The following SPIDR variants were observed in gnomAD, a reference collection of about 807,000 sequenced individuals.
The protein encoded by SPIDR is DNA repair-scaffolding protein.
Under a neutral mutation model 104.6 loss-of-function variants are expected in SPIDR, and 93 were observed. The ratio of observed to expected loss-of-function variants is 0.89; its 90% confidence interval spans 0.75 to 1.06. The LOEUF is 1.06. Ranked by LOEUF, SPIDR falls within the 50% of genes least tolerant of loss-of-function variation. SPIDR has a pLI of 0.00. For missense variants in SPIDR, 1,154 were observed against 1,111.2 expected (o/e 1.04, Z -0.55); for synonymous variants, 431 against 416.9 (o/e 1.03, Z -0.41).
At chr8:47,510,483 T>C (rs1480795519) in intron 8 of SPIDR, among the ~76,000 whole-genome samples, 4 of 152,140 alleles carry the variant, frequency 2.6e-5, no homozygotes, top group Non-Finnish European at 4.4e-5. Flanking sequence ...TTTTTTGCAA[T>C]AGAACTCTTC....
intron 8 of SPIDR, among the ~76,000 whole-genome samples, chr8:47,456,693 C>G (rs1187664836): frequency 6.6e-6 from 1 of 152,036 alleles, no homozygotes; most frequent in African/African-American, 2.4e-5. Context: ...ATTTGTGAGA[C>G]TTTGGTGCAC....
intron 1 of SPIDR, among the ~76,000 whole-genome samples, chr8:47,261,919 A>G (rs2032487440): frequency 6.6e-6 from 1 of 152,188 alleles, no homozygotes; most frequent in African/African-American, 2.4e-5. Context: ...AAATATATAA[A>G]TTTGCTAAAT....
intron 10 of SPIDR, among the ~76,000 whole-genome samples, chr8:47,661,685 C>T (rs2154463672): frequency 6.6e-6 from 1 of 152,328 alleles, no homozygotes; most frequent in Middle Eastern, 3.4e-3. Context: ...GCGTCTGCTC[C>T]TCAACTTGGG....
At chr8:47,300,989 G>A (rs1563531237) in intron 5 of SPIDR, among the ~76,000 whole-genome samples, 1 of 152,050 alleles carries the variant, frequency 6.6e-6, no homozygotes, top group Non-Finnish European at 1.5e-5. Flanking sequence ...TGAGTTCAGT[G>A]CCTGGATATC....
At position 47,466,948 on chromosome 8, in the gene SPIDR, G is replaced by GATAT. The variant is rs1250773282; in HGVS notation, c.1097+26408_1097+26411dup. ...AGATAGATAGATAGATAGATAGATA[G>GATAT]ATATAAAAAATAGACTGCTAGCTAG... On this transcript the variant is annotated intron_variant, in intron 8 of 19. Coordinates refer to ENST00000297423, the MANE Select transcript of SPIDR (RefSeq NM_001080394.4). Among the ~76,000 whole-genome samples the GATAT allele has an allele frequency of 2.6e-3, 341 of 133,456 alleles. 7 individuals carry two copies. The highest frequency in any genetic ancestry group is 7.1e-3 in the East Asian group (33 of 4,648). 87.6% of individuals were successfully genotyped at this position (133,456 alleles called of 152,430 possible).
At position 47,513,151 on chromosome 8, in the gene SPIDR, C is replaced by G. The variant is rs183008321; in HGVS notation, c.1097+72609C>G. On this transcript the variant is annotated intron_variant, in intron 8 of 19. Transcript: ENST00000297423. The stretch of plus-strand genomic sequence containing the variant: ...AGCCAATCATTGAGAGAGGTAAACT[C>G]TATTTTAGCATCTGCTGCAGAATGT... 4.9e-3 allele frequency among the ~76,000 whole-genome samples: 750 copies of G among 152,346 alleles called. 4 individuals carry two copies. Among genetic ancestry groups the G allele is most frequent in the South Asian group, 0.023 (109 of 4,830 alleles).
At chr8:47,405,050 G>T (rs1241472290) in intron 6 of SPIDR, among the ~76,000 whole-genome samples, 1 of 152,128 alleles carries the variant, frequency 6.6e-6, no homozygotes, top group Non-Finnish European at 1.5e-5. Context: ...CATGTCCTTT[G>T]TTAGGGACAT....
At chr8:47,317,688 G>A in intron 5 of SPIDR, among the ~76,000 whole-genome samples, 1 of 152,264 alleles carries the variant, frequency 6.6e-6, no homozygotes, top group Admixed American at 6.5e-5. Flanking sequence ...TTAACTGGGA[G>A]GCACCCCCTA....
chr8:47,577,864 A>G (rs2059299682), intron 8 of SPIDR, among the ~76,000 whole-genome samples: 1 of 152,190 alleles, frequency 6.6e-6, no homozygotes, highest in Non-Finnish European at 1.5e-5. Context: ...GGACCCGGCA[A>G]CCTGTTTCAA....
At chr8:47,692,324 C>A (rs1424754333) in intron 11 of SPIDR, among the ~76,000 whole-genome samples, 4 of 151,998 alleles carry the variant, frequency 2.6e-5, no homozygotes, top group Admixed American at 2.6e-4. Flanking sequence ...GAGCTCCGCA[C>A]TTTCTCTCCC....
At chr8:47,278,321 AT>A (rs1293830434) in intron 1 of SPIDR, among the ~76,000 whole-genome samples, 2,412 of 137,700 alleles carry the variant, frequency 0.018, 57 homozygotes, top group African/African-American at 0.055. Context: ...ACACCCAGCT[AT>A]TTTTTTTTTT....
chr8:47,546,888 T>C (rs1012665812), intron 8 of SPIDR: 1 of 422,600 alleles, frequency 2.4e-6, no homozygotes, highest in South Asian at 1.9e-5. Context: ...GAAGAGAAAT[T>C]AATGGTTTGT....
rs561575938 is a variant in SPIDR, at chr8:47,586,732, A to G, written c.1098-9079A>G. On this transcript the variant is annotated intron_variant, in intron 8 of 19. Transcript: ENST00000297423. Reference sequence around the variant, plus strand: ...GGTCTTTCTTAGAGCAAAAGTTTTCAGTTTTGATAAGTTCTAGTTTATCAA... The same window carrying G: ...GGTCTTTCTTAGAGCAAAAGTTTTCGGTTTTGATAAGTTCTAGTTTATCAA... 5.9e-5 allele frequency among the ~76,000 whole-genome samples: 9 copies of G among 152,202 alleles called. No individual in the cohort carries two copies. The South Asian group carries it at 1.4e-3, about 25-fold the overall frequency.
At chr8:47,284,177 A>G in intron 3 of SPIDR, 83 bp downstream of exon 3, 2 of 1,150,428 alleles carry the variant, frequency 1.7e-6, no homozygotes, top group East Asian at 4.7e-5. Context: ...TTGCTGTTTT[A>G]AAAAAGTGAC....
chr8:47,475,114 T>C (rs997680105), intron 8 of SPIDR, among the ~76,000 whole-genome samples: 1 of 152,212 alleles, frequency 6.6e-6, no homozygotes, highest in Non-Finnish European at 1.5e-5. Context: ...GAGAGTGTGT[T>C]GGGAAAGGAA....
intron 10 of SPIDR, among the ~76,000 whole-genome samples, chr8:47,612,556 A>C (rs910249826): frequency 6.6e-6 from 1 of 152,230 alleles, no homozygotes; most frequent in Non-Finnish European, 1.5e-5. Context: ...TAAAAGCACT[A>C]TCTGGTAATT....
chr8:47,622,135 G>C (rs758493797), intron 10 of SPIDR, among the ~76,000 whole-genome samples: 4 of 152,148 alleles, frequency 2.6e-5, no homozygotes, highest in African/African-American at 9.7e-5. Context: ...GCTCAGCCCT[G>C]TCAGCCCTGC....
intron 10 of SPIDR, among the ~76,000 whole-genome samples, chr8:47,627,086 T>C (rs2066265962): frequency 6.6e-6 from 1 of 152,138 alleles, no homozygotes; most frequent in Non-Finnish European, 1.5e-5. Context: ...ACGTCCTTTG[T>C]AGGGACATGG....
chr8:47,345,312 A>T (rs181585415), intron 5 of SPIDR, among the ~76,000 whole-genome samples: 7 of 152,124 alleles, frequency 4.6e-5, no homozygotes, highest in African/African-American at 1.7e-4. Flanking sequence ...GTTTTGTTCC[A>T]TAGGTCTATA....
Sources: gnomAD v4.1 joint callset for allele counts (sites outside exome capture counted in the v4.1 genomes callset) on GRCh38, gnomAD v4.1.1 for gene constraint, MANE v1.5 for transcripts, NCBI Gene and HGNC (gene_info 2026-07-23, HGNC 2026-07-21) for gene names.